Variants in RNFT2 observed in about 807,000 individuals in gnomAD.
The protein encoded by RNFT2 is ring finger protein, transmembrane 2.
RNFT2 carries 36 observed loss-of-function variants against 53.0 expected under a neutral mutation model. The observed-to-expected ratio is 0.68, with a 90% CI of 0.52 to 0.90. RNFT2 has a LOEUF of 0.90. Among genes scored for constraint, RNFT2 ranks in the 40% least tolerant of loss-of-function variants. The probability of loss-of-function intolerance (pLI) is 0.00; values close to 1 mark genes in which losing one functional copy is unlikely to be tolerated. For missense variants in RNFT2, 514 were observed against 585.6 expected, an observed-to-expected ratio of 0.88 and a Z score of 1.26; for synonymous variants, 260 against 253.2, an observed-to-expected ratio of 1.03 and a Z score of -0.26.
intron 7 of RNFT2, among the ~76,000 whole-genome samples, chr12:116,808,886 A>G (rs1467730149): frequency 6.6e-6 from 1 of 151,942 alleles, no homozygotes; most frequent in Non-Finnish European, 1.5e-5. Flanking sequence ...GCCGTTGGAA[A>G]TCGACCTCCA....
At chr12:116,808,559 G>A (rs567675064) in intron 7 of RNFT2, among the ~76,000 whole-genome samples, 6 of 152,322 alleles carry the variant, frequency 3.9e-5, no homozygotes, top group Admixed American at 3.3e-4. Flanking sequence ...AGATGGTGGG[G>A]AGGTTTTGGG....
chr12:116,806,426 A>G (rs922700995), intron 7 of RNFT2, among the ~76,000 whole-genome samples: 1 of 151,446 alleles, frequency 6.6e-6, no homozygotes, highest in Non-Finnish European at 1.5e-5. Flanking sequence ...AGATAGATAG[A>G]TAGATTCATC....
chr12:116,825,965 A>G (rs1347666571), intron 7 of RNFT2, among the ~76,000 whole-genome samples: 1 of 152,104 alleles, frequency 6.6e-6, no homozygotes, highest in African/African-American at 2.4e-5. Context: ...CTGTATAAAT[A>G]TTATTCATCT....
At chr12:116,779,825 A>G (rs1873608256) in intron 7 of RNFT2, among the ~76,000 whole-genome samples, 1 of 152,152 alleles carries the variant, frequency 6.6e-6, no homozygotes, top group South Asian at 2.1e-4. Flanking sequence ...AGTGAGGGCA[A>G]TGATGCTTTG....
intron 6 of RNFT2, among the ~76,000 whole-genome samples, chr12:116,777,860 T>C (rs1224281737): frequency 6.6e-6 from 1 of 152,208 alleles, no homozygotes; most frequent in Non-Finnish European, 1.5e-5. Context: ...CAAGTTCAAG[T>C]CTGTCCGATA....
chr12:116,814,978 C>T (rs1037083078), intron 7 of RNFT2, among the ~76,000 whole-genome samples: 11 of 152,130 alleles, frequency 7.2e-5, no homozygotes, highest in African/African-American at 1.9e-4. Flanking sequence ...TCAGGTGACC[C>T]GCCTGCGTCG....
At chr12:116,793,944 C>T (rs908413392) in intron 7 of RNFT2, among the ~76,000 whole-genome samples, 3 of 152,182 alleles carry the variant, frequency 2.0e-5, no homozygotes, top group Non-Finnish European at 4.4e-5. Flanking sequence ...TTGCTCTTGA[C>T]TCACAGGGAA....
At chr12:116,751,992 AC>A (rs1872271855) in intron 4 of RNFT2, among the ~76,000 whole-genome samples, 1 of 152,016 alleles carries the variant, frequency 6.6e-6, no homozygotes, top group Non-Finnish European at 1.5e-5. Context: ...GGGCTTATAC[AC>A]TGTTGTTTTA....
intron 7 of RNFT2, among the ~76,000 whole-genome samples, chr12:116,810,721 A>G (rs766694981): frequency 3.2e-4 from 48 of 152,190 alleles, no homozygotes; most frequent in Non-Finnish European, 6.2e-4. Context: ...CAAGGCAGCC[A>G]GGCTCCCTGA....
intron 3 of RNFT2, among the ~76,000 whole-genome samples, chr12:116,745,425 T>C (rs1871851731): frequency 6.6e-6 from 1 of 152,132 alleles, no homozygotes; most frequent in South Asian, 2.1e-4. Context: ...TTCTCCCACC[T>C]CAGCCTCCCG....
chr12:116,834,755 A>G (rs936643518), intron 8 of RNFT2, among the ~76,000 whole-genome samples: 13 of 151,992 alleles, frequency 8.6e-5, no homozygotes, highest in African/African-American at 2.9e-4. Context: ...TTATGGTTTA[A>G]TCTACCCTAA....
At chr12:116,816,662 T>A (rs577233542) in intron 7 of RNFT2, among the ~76,000 whole-genome samples, 4 of 152,170 alleles carry the variant, frequency 2.6e-5, no homozygotes, top group Non-Finnish European at 5.9e-5. Context: ...CTCTATAAGC[T>A]TAGGCAAAAT....
At chr12:116,834,374 C>G (rs959071853) in intron 8 of RNFT2, among the ~76,000 whole-genome samples, 3 of 152,170 alleles carry the variant, frequency 2.0e-5, no homozygotes, top group African/African-American at 7.2e-5. Context: ...CCACCTCTGC[C>G]TCCCAAAGTG....
At chr12:116,783,132 C>T (rs1467087140) in intron 7 of RNFT2, among the ~76,000 whole-genome samples, 1 of 152,168 alleles carries the variant, frequency 6.6e-6, no homozygotes, top group Non-Finnish European at 1.5e-5. Context: ...GTAGGAGATA[C>T]ACACTCTTAT....
intron 7 of RNFT2, among the ~76,000 whole-genome samples, chr12:116,817,533 A>G (rs1875749582): frequency 6.6e-6 from 1 of 152,166 alleles, no homozygotes; most frequent in Non-Finnish European, 1.5e-5. Flanking sequence ...TTCCACGCCT[A>G]ATTTCCTACT....
chr12:116,777,328 T>C (rs1363210198), intron 6 of RNFT2, among the ~76,000 whole-genome samples: 2 of 152,082 alleles, frequency 1.3e-5, no homozygotes, highest in African/African-American at 4.8e-5. Context: ...AAAGCCAGGA[T>C]ATTTTAGCCA....
At chr12:116,771,460 TAAAAAAAAAAAAAAAA>T (rs35911608) in intron 6 of RNFT2, among the ~76,000 whole-genome samples, 9 of 64,122 alleles carry the variant, frequency 1.4e-4, no homozygotes, top group African/African-American at 3.6e-4. Flanking sequence ...ATCCTATCGT[TAAAAAAAAAAAAAAAA>T]AAAAAAAAAA....
At chr12:116,755,741 A>T in intron 5 of RNFT2, 1 of 1,468,844 alleles carries the variant, frequency 6.8e-7, no homozygotes, top group Non-Finnish European at 9.4e-7. Context: ...AACAGTACCC[A>T]TTCCCTTGAT....
intron 7 of RNFT2, chr12:116,782,217 A>T (rs1346811202): frequency 4.7e-5 from 7 of 150,302 alleles, no homozygotes; most frequent in African/African-American, 1.5e-4. Flanking sequence ...TTTTTTAATT[A>T]AAAAAAAATA....
Sources: gnomAD v4.1 joint callset for allele counts (sites outside exome capture counted in the v4.1 genomes callset) on GRCh38, gnomAD v4.1.1 for gene constraint, MANE v1.5 for transcripts, NCBI Gene and HGNC (gene_info 2026-07-23, HGNC 2026-07-21) for gene names.